ZNF804B: variants seen among roughly 807,000 people sequenced by gnomAD.
The protein encoded by ZNF804B is zinc finger 804B.
ZNF804B carries 80 observed loss-of-function variants against 101.4 expected under a neutral mutation model. The ratio of observed to expected loss-of-function variants is 0.79; its 90% CI spans 0.66 to 0.95. ZNF804B has a LOEUF of 0.95. Among genes scored for constraint, ZNF804B ranks in the 40% least tolerant of loss-of-function variants. The pLI is 0.00. For missense variants in ZNF804B, 1,673 were observed against 1,561.9 expected (o/e 1.07, Z -1.20); for synonymous variants, 622 against 558.8 (o/e 1.11, Z -1.59).
At chr7:89,271,519 T>C (rs1038476785) in intron 2 of ZNF804B, among the ~76,000 whole-genome samples, 1 of 152,144 alleles carries the variant, frequency 6.6e-6, no homozygotes, top group Admixed American at 6.6e-5. Context: ...GATATTGGTC[T>C]AAAATTCTTT....
At chr7:89,125,346 T>A (rs1304018001) in intron 1 of ZNF804B, among the ~76,000 whole-genome samples, 1 of 151,948 alleles carries the variant, frequency 6.6e-6, no homozygotes, top group African/African-American at 2.4e-5. Context: ...ATATTATATA[T>A]CTATGTGTAT....
At chr7:89,232,201 T>G (rs1308676204) in intron 2 of ZNF804B, among the ~76,000 whole-genome samples, 1 of 152,180 alleles carries the variant, frequency 6.6e-6, no homozygotes, top group Non-Finnish European at 1.5e-5. Context: ...TGGTGCTTGC[T>G]CTTTATTCTG....
intron 1 of ZNF804B, among the ~76,000 whole-genome samples, chr7:89,030,317 C>T (rs1023988822): frequency 1.3e-5 from 2 of 152,066 alleles, no homozygotes; most frequent in African/African-American, 4.8e-5. Flanking sequence ...TTTTCAAGGA[C>T]CATAGGAGAA....
intron 1 of ZNF804B, among the ~76,000 whole-genome samples, chr7:89,191,101 T>C (rs907703972): frequency 6.6e-6 from 1 of 152,250 alleles, no homozygotes; most frequent in African/African-American, 2.4e-5. Context: ...TTTAAAGTTA[T>C]ACATTCGATT....
chr7:89,249,920 G>T (rs1194152007), intron 2 of ZNF804B, among the ~76,000 whole-genome samples: 1 of 152,160 alleles, frequency 6.6e-6, no homozygotes, highest in Non-Finnish European at 1.5e-5. Context: ...AGCTGTGGTG[G>T]TTCACACCAG....
chr7:89,048,938 T>A (rs941771186), intron 1 of ZNF804B, among the ~76,000 whole-genome samples: 3 of 151,932 alleles, frequency 2.0e-5, no homozygotes, highest in African/African-American at 7.3e-5. Context: ...CAACTTATCT[T>A]GCCCTTTGCT....
chr7:89,259,994 AAG>A (rs1030594401), intron 2 of ZNF804B, among the ~76,000 whole-genome samples: 3 of 151,800 alleles, frequency 2.0e-5, no homozygotes, highest in Admixed American at 6.6e-5. Context: ...AAAAAATAAA[AAG>A]AGAGAGAGAG....
chr7:89,201,344 T>C (rs1234953512), intron 1 of ZNF804B, among the ~76,000 whole-genome samples: 1 of 152,024 alleles, frequency 6.6e-6, no homozygotes, highest in Non-Finnish European at 1.5e-5. Flanking sequence ...ATTTTTAAAA[T>C]CACTTACTTG....
chr7:88,989,930 C>A (rs1024647605), intron 1 of ZNF804B, among the ~76,000 whole-genome samples: 3 of 152,008 alleles, frequency 2.0e-5, no homozygotes, highest in Admixed American at 1.3e-4. Flanking sequence ...TACACACCTA[C>A]CTACCTATTA....
intron 2 of ZNF804B, among the ~76,000 whole-genome samples, chr7:89,224,098 C>G (rs1207120949): frequency 6.6e-6 from 1 of 151,944 alleles, no homozygotes; most frequent in East Asian, 1.9e-4. Flanking sequence ...CAGCAGAACT[C>G]TCTCCTGCCC....
chr7:89,068,877 C>T (rs578093076), intron 1 of ZNF804B, among the ~76,000 whole-genome samples: 59 of 152,200 alleles, frequency 3.9e-4, no homozygotes, highest in African/African-American at 1.4e-3. Flanking sequence ...GATGGGTCTC[C>T]CTAAGCCTGT....
At chr7:89,012,849 C>T (rs1046324649) in intron 1 of ZNF804B, among the ~76,000 whole-genome samples, 1 of 152,124 alleles carries the variant, frequency 6.6e-6, no homozygotes, top group East Asian at 1.9e-4. Context: ...TTAATCTGTT[C>T]TCATGCTGCT....
intron 1 of ZNF804B, among the ~76,000 whole-genome samples, chr7:88,917,453 T>A (rs775630009): frequency 6.6e-6 from 1 of 152,174 alleles, no homozygotes; most frequent in Non-Finnish European, 1.5e-5. Context: ...ATTTCTGTCA[T>A]GAACCTTCTA....
Position 89,334,171 on chromosome 7 carries a change from A to T in ZNF804B, c.1189A>T (p.Ser397Cys). Residue 397 changes from serine (S) to cysteine (C), a missense_variant, in exon 4 of 4, where the codon AGT becomes TGT. By Grantham distance (112) the Ser-to-Cys change is moderately radical. Transcript: ENST00000333190. ...FSSLEPSEQKSTVHLNPNSRI... is the reference protein window; with the variant it reads ...FSSLEPSEQKCTVHLNPNSRI... ...ATCACTGGAGCCAAGTGAACAAAAG[A>T]GTACAGTGCATCTGAATCCAAATTC... The T allele has an allele frequency of 6.2e-7, 1 of 1,613,610 alleles. No individual in the cohort carries two copies. Among genetic ancestry groups the T allele is most frequent in the Non-Finnish European group, 8.5e-7 (1 of 1,179,842 alleles).
intron 1 of ZNF804B, among the ~76,000 whole-genome samples, chr7:89,041,379 G>C (rs1789015159): frequency 6.6e-6 from 1 of 152,138 alleles, no homozygotes; most frequent in Admixed American, 6.5e-5. Context: ...CTAGATCCTG[G>C]GCCCACAGTG....
intron 2 of ZNF804B, among the ~76,000 whole-genome samples, chr7:89,266,223 C>T (rs1459123771): frequency 3.3e-5 from 5 of 152,070 alleles, no homozygotes. Context: ...CCTGCTGTTG[C>T]TATTTCTGAT....
At chr7:89,228,938 G>A (rs1045746886) in intron 2 of ZNF804B, among the ~76,000 whole-genome samples, 2 of 152,300 alleles carry the variant, frequency 1.3e-5, no homozygotes, top group African/African-American at 4.8e-5. Flanking sequence ...TAAGGCCGGG[G>A]GAGAAATTGA....
chr7:88,970,854 G>T (rs554062830), intron 1 of ZNF804B, among the ~76,000 whole-genome samples: 1 of 149,508 alleles, frequency 6.7e-6, no homozygotes, highest in Admixed American at 6.7e-5. Context: ...GCATTAGGAG[G>T]TATACCTAAC....
chr7:89,110,702 G>C (rs1452501834), intron 1 of ZNF804B, among the ~76,000 whole-genome samples: 1 of 152,066 alleles, frequency 6.6e-6, no homozygotes, highest in Admixed American at 6.6e-5. Flanking sequence ...AACCAAAATT[G>C]ATACATTATT....
Sources: gnomAD v4.1 joint callset for allele counts (sites outside exome capture counted in the v4.1 genomes callset) on GRCh38, gnomAD v4.1.1 for gene constraint, MANE v1.5 for transcripts, NCBI Gene and HGNC (gene_info 2026-07-23, HGNC 2026-07-21) for gene names.